The following GAREM1 variants were observed in gnomAD, a reference collection of about 807,000 sequenced individuals.
The protein encoded by GAREM1 is GRB2-associated and regulator of MAPK protein 1.
In GAREM1, 26 loss-of-function variants were observed where a neutral mutation model predicts 71.3. The ratio of observed to expected loss-of-function variants is 0.36; its 90% CI spans 0.27 to 0.51. The LOEUF is 0.51. Among genes scored for constraint, GAREM1 ranks in the 20% least tolerant of loss-of-function variants. The pLI, the probability that GAREM1 is intolerant of heterozygous loss-of-function variation, is 0.95. For synonymous variants in GAREM1, 440 were observed against 433.2 expected, an observed-to-expected ratio of 1.02 and a Z score of -0.20; for missense variants, 1,026 against 1,103.1, an observed-to-expected ratio of 0.93 and a Z score of 0.99.
chr18:32,346,259 T>C (rs1384287103), intron 2 of GAREM1, among the ~76,000 whole-genome samples: 1 of 152,214 alleles, frequency 6.6e-6, no homozygotes, highest in Non-Finnish European at 1.5e-5. Flanking sequence ...CATCAACATA[T>C]TGCTTCATTA....
chr18:32,437,219 C>A (rs1009601543), intron 1 of GAREM1, among the ~76,000 whole-genome samples: 1 of 152,112 alleles, frequency 6.6e-6, no homozygotes, highest in Non-Finnish European at 1.5e-5. Context: ...TGTTATTTCA[C>A]GTGTTACTCA....
chr18:32,326,906 G>A (rs1240221477), intron 2 of GAREM1, among the ~76,000 whole-genome samples: 2 of 152,262 alleles, frequency 1.3e-5, no homozygotes, highest in East Asian at 1.9e-4. Flanking sequence ...GGGCAGTTAT[G>A]TAAACAGGGC....
At chr18:32,322,880 C>T (rs946975404) in intron 2 of GAREM1, among the ~76,000 whole-genome samples, 4 of 152,090 alleles carry the variant, frequency 2.6e-5, no homozygotes, top group South Asian at 2.1e-4. Context: ...ACCGCAGTGC[C>T]GTAACAGCTG....
At chr18:32,365,155 C>T (rs1394217146) in intron 2 of GAREM1, among the ~76,000 whole-genome samples, 2 of 152,044 alleles carry the variant, frequency 1.3e-5, no homozygotes, top group African/African-American at 4.8e-5. Context: ...TGTCTTTACT[C>T]CTAGGCTTCA....
Sources: allele counts gnomAD v4.1 joint callset (sites outside exome capture counted in the v4.1 genomes callset), GRCh38; gene constraint gnomAD v4.1.1; transcripts MANE v1.5; gene names NCBI Gene and HGNC (gene_info 2026-07-23, HGNC 2026-07-21).